The following JADE1 variants were observed in gnomAD, a reference collection of about 807,000 sequenced individuals.
The protein encoded by JADE1 is jade family PHD finger 1.
A neutral mutation model predicts 81.8 loss-of-function variants in JADE1; 14 were observed. That is an observed-to-expected ratio of 0.17 (90% CI 0.11 to 0.27). The LOEUF is 0.27. Ranked by LOEUF, JADE1 falls within the 10% of genes least tolerant of loss-of-function variation. The probability of loss-of-function intolerance (pLI) is 1.00; values close to 1 mark genes in which losing one functional copy is unlikely to be tolerated. For missense variants in JADE1, 690 were observed against 1,047.9 expected, an observed-to-expected ratio of 0.66 and a Z score of 4.71; for synonymous variants, 353 against 391.9, an observed-to-expected ratio of 0.90 and a Z score of 1.17.
At position 128,872,986 on chromosome 4, in the gene JADE1, A is replaced by G; in HGVS notation, c.*724A>G. ...ACTGGTGGAGAGTGAGACTGTTAGG[A>G]AAGTTGTATCTATGAATAAGGGCAG... On this transcript the variant is annotated 3_prime_UTR_variant, in exon 11 of 11. Transcript: ENST00000226319. 2.2e-6 allele frequency: 1 copy of G among 451,184 alleles called. No homozygotes were observed. Among genetic ancestry groups the G allele is most frequent in the Non-Finnish European group, 4.5e-6 (1 of 223,802 alleles). The allele number at this position is 451,184 out of a possible 1,614,324, so 27.9% of individuals were successfully genotyped here. A position where few individuals can be genotyped will look rare whatever the true frequency, so the allele number is the denominator to read the frequency against.
intron 1 of JADE1, among the ~76,000 whole-genome samples, chr4:128,819,697 G>A (rs1727381153): frequency 6.6e-6 from 1 of 152,226 alleles, no homozygotes; most frequent in Admixed American, 6.5e-5. Context: ...AATGGCATTT[G>A]TGACCATCTT....
At chr4:128,863,096 C>T in intron 9 of JADE1, 1 of 985,674 alleles carries the variant, frequency 1.0e-6, no homozygotes, top group Non-Finnish European at 1.2e-6. Context: ...CGAGCCTCAG[C>T]TGCTGGCATT....
chr4:128,846,112 T>A lies in JADE1; in HGVS notation c.139-263T>A, dbSNP rs981368106. On this transcript the variant is annotated intron_variant, in intron 3 of 10. Coordinates refer to ENST00000226319, the MANE Select transcript of JADE1 (RefSeq NM_199320.4). The surrounding 1 kb of genome is among the most constrained non-coding windows in gnomAD (Gnocchi z 4.0). Reference sequence around the variant, plus strand: ...CATTTTTCAGAGGCGGACAACAAGATTTTTTGTTGTTTTTGTTGACGTTGT... The same window carrying A: ...CATTTTTCAGAGGCGGACAACAAGAATTTTTGTTGTTTTTGTTGACGTTGT... Among the ~76,000 whole-genome samples the A allele has an allele frequency of 1.2e-4, 19 of 152,032 alleles. No homozygotes were observed. The highest frequency in any genetic ancestry group is 2.8e-4 in the Non-Finnish European group (19 of 68,018).
intron 2 of JADE1, among the ~76,000 whole-genome samples, chr4:128,839,261 C>T (rs1276111006): frequency 6.6e-6 from 1 of 152,184 alleles, no homozygotes; most frequent in Non-Finnish European, 1.5e-5. Flanking sequence ...CAGCAAATAC[C>T]TGCTCCTGGA....
intron 1 of JADE1, among the ~76,000 whole-genome samples, chr4:128,812,291 C>T (rs1215929053): frequency 1.3e-5 from 2 of 151,620 alleles, no homozygotes; most frequent in Non-Finnish European, 2.9e-5. Flanking sequence ...TTGTTTCTGT[C>T]GCCTCGGGAG....
intron 1 of JADE1, chr4:128,827,963 G>A: frequency 1.2e-6 from 1 of 862,336 alleles, no homozygotes; most frequent in South Asian, 5.3e-5. Flanking sequence ...CCTCCTCTTT[G>A]TTCTTCAGGA....
intron 3 of JADE1, 95 bp downstream of exon 3, chr4:128,843,133 T>C: frequency 1.0e-6 from 1 of 956,488 alleles, no homozygotes; most frequent in Non-Finnish European, 1.6e-6. Context: ...GGGCAAATTA[T>C]TCAAATCCTT....
At chr4:128,864,716 G>A (rs780139331) in intron 9 of JADE1, 616 of 507,742 alleles carry the variant, frequency 1.2e-3, no homozygotes, top group Non-Finnish European at 1.5e-3. Flanking sequence ...TTTAATACCT[G>A]TGACTACAAT....
At position 128,874,705 on chromosome 4, in the gene JADE1, C is replaced by T. The variant is rs1221817723; in HGVS notation, c.*2443C>T. The T allele has an allele frequency of 6.6e-6, 1 of 152,532 alleles. No individual in the cohort carries two copies. Among genetic ancestry groups the T allele is most frequent in the Non-Finnish European group, 1.5e-5 (1 of 68,034 alleles). 9.4% of individuals were successfully genotyped at this position (152,532 alleles called of 1,614,324 possible). ...ACCAGCCCAAACACCCACTTGCGTT[C>T]TATTAGTATGGAACCATTTGCATTT... On this transcript the variant is annotated 3_prime_UTR_variant, in exon 11 of 11. Coordinates refer to ENST00000226319, the MANE Select transcript of JADE1 (RefSeq NM_199320.4).
chr4:128,857,255 G>T, intron 7 of JADE1, 83 bp from the exon 8 acceptor site: 1 of 1,043,532 alleles, frequency 9.6e-7, no homozygotes, highest in Non-Finnish European at 1.5e-6. Flanking sequence ...ATGTAGGAAA[G>T]TAATGGATCT....
At chr4:128,816,677 C>G (rs539351540) in intron 1 of JADE1, among the ~76,000 whole-genome samples, 1 of 152,116 alleles carries the variant, frequency 6.6e-6, no homozygotes, top group Non-Finnish European at 1.5e-5. Flanking sequence ...TCCCTTAGAC[C>G]CATAGTGTAC....
chr4:128,843,063 C>T (rs41279281), intron 3 of JADE1, 25 bp downstream of exon 3: 1,380 of 1,585,428 alleles, frequency 8.7e-4, no homozygotes, highest in Non-Finnish European at 1.1e-3. Context: ...CTTGCCTGAC[C>T]GTGCATGAAT....
At chr4:128,859,014 A>G (rs1247894584) in intron 8 of JADE1, among the ~76,000 whole-genome samples, 1 of 152,106 alleles carries the variant, frequency 6.6e-6, no homozygotes, top group African/African-American at 2.4e-5. Flanking sequence ...AGGGTGGGTC[A>G]TGAGACAGCT....
At chr4:128,845,644 G>A (rs1256610373) in intron 3 of JADE1, among the ~76,000 whole-genome samples, 1 of 152,132 alleles carries the variant, frequency 6.6e-6, no homozygotes, top group African/African-American at 2.4e-5. Context: ...GCCAGGAGCA[G>A]TGGCTCATGC....
chr4:128,864,270 C>A, intron 9 of JADE1: 1 of 489,764 alleles, frequency 2.0e-6, no homozygotes, highest in Non-Finnish European at 2.7e-6. Flanking sequence ...GCCTCGGTCT[C>A]ATGAGTAGCT....
intron 5 of JADE1, among the ~76,000 whole-genome samples, chr4:128,851,134 T>C (rs1262279750): frequency 6.6e-6 from 1 of 152,238 alleles, no homozygotes; most frequent in Non-Finnish European, 1.5e-5. Flanking sequence ...TTTCGCCGTA[T>C]TGGCCAGGTT....
At chr4:128,825,667 G>T (rs146126076) in intron 1 of JADE1, among the ~76,000 whole-genome samples, 1 of 152,314 alleles carries the variant, frequency 6.6e-6, no homozygotes, top group African/African-American at 2.4e-5. Context: ...CCTCCAGGTA[G>T]ACTGTGTGCT....
chr4:128,846,294 C>T lies in JADE1; in HGVS notation c.139-81C>T. 7 of 1,354,476 alleles carry T rather than the reference C, an allele frequency of 5.2e-6. No homozygotes were observed. Among genetic ancestry groups the T allele is most frequent in the Middle Eastern group, 3.7e-4 (2 of 5,458 alleles). The allele number at this position is 1,354,476 out of a possible 1,614,324, so 83.9% of individuals were successfully genotyped here. A position where few individuals can be genotyped will look rare whatever the true frequency, so the allele number is the denominator to read the frequency against. ...ACAGTGACCTTGTTACATGGCAGCTCCATGGTTACATTGCAGCTGCCAGCA... is the reference window on the plus strand; with the variant it reads ...ACAGTGACCTTGTTACATGGCAGCTTCATGGTTACATTGCAGCTGCCAGCA... On this transcript the variant is annotated intron_variant, in intron 3 of 10. Coordinates refer to ENST00000226319, the MANE Select transcript of JADE1 (RefSeq NM_199320.4). This position sits in a 1 kb window ranked among gnomAD's most constrained non-coding sequence, Gnocchi z 4.0.
chr4:128,871,882 A>G lies in JADE1; in HGVS notation c.2149A>G (p.Ile717Val), dbSNP rs1201258548. The G allele has an allele frequency of 6.2e-7, 1 of 1,614,114 alleles. No homozygotes were observed. Among genetic ancestry groups the G allele is most frequent in the East Asian group, 2.2e-5 (1 of 44,844 alleles). The change falls in exon 11 of 11, where the codon ATA (isoleucine) becomes GTA (valine). Residue 717 changes from isoleucine to valine, a missense_variant. Transcript: ENST00000226319. The surrounding 1 kb of genome is among the most constrained non-coding windows in gnomAD (Gnocchi z 4.1). ...GQSAPGTRKEIVPKCNGSLIK... is the reference protein window; with the variant it reads ...GQSAPGTRKEVVPKCNGSLIK... ...GTCAGCACCTGGCACAAGGAAGGAG[A>G]TAGTGCCCAAGTGCAATGGCTCCCT...
Sources: allele counts gnomAD v4.1 joint callset (sites outside exome capture counted in the v4.1 genomes callset), GRCh38; gene constraint gnomAD v4.1.1; non-coding constraint Gnocchi (gnomAD v3.1); transcripts MANE v1.5; gene names NCBI Gene and HGNC (gene_info 2026-07-23, HGNC 2026-07-21).